Variants in TEC observed in about 807,000 individuals in gnomAD.
The protein encoded by TEC is tyrosine-protein kinase Tec.
TEC carries 72 observed loss-of-function variants against 93.0 expected under a neutral mutation model. The observed-to-expected ratio is 0.77, with a 90% CI of 0.64 to 0.94. The LOEUF (loss-of-function observed/expected upper bound fraction) is 0.94. TEC is among the 40% of genes least tolerant of loss of function. The probability of loss-of-function intolerance (pLI) is 0.00; values close to 1 mark genes in which losing one functional copy is unlikely to be tolerated. For missense variants in TEC, 630 were observed against 757.9 expected (o/e 0.83, Z 1.98); for synonymous variants, 249 against 247.7 (o/e 1.01, Z -0.05).
chr4:48,219,287 T>C (rs536647380), intron 2 of TEC, among the ~76,000 whole-genome samples: 3 of 152,316 alleles, frequency 2.0e-5, no homozygotes, highest in Admixed American at 2.0e-4. Context: ...GTAACGCCAG[T>C]GTCTGGGAAG....
At chr4:48,185,310 T>C (rs1252975164) in intron 2 of TEC, among the ~76,000 whole-genome samples, 1 of 152,192 alleles carries the variant, frequency 6.6e-6, no homozygotes, top group African/African-American at 2.4e-5. Flanking sequence ...TTTAGAAGAA[T>C]GGGTCTTAAG....
intron 14 of TEC, 145 bp from the exon 15 acceptor site, chr4:48,141,564 C>T (rs1041177848): frequency 3.6e-5 from 25 of 695,398 alleles, no homozygotes; most frequent in Non-Finnish European, 4.9e-5. Context: ...TTGTTTTTAC[C>T]CCTATGGAAG....
chr4:48,236,747 A>G (rs1723795881), intron 1 of TEC, among the ~76,000 whole-genome samples: 1 of 152,240 alleles, frequency 6.6e-6, no homozygotes, highest in Non-Finnish European at 1.5e-5. Context: ...GGTAGACAAC[A>G]GAAACTGTCA....
chr4:48,140,230 A>G (rs1211976966), intron 15 of TEC, among the ~76,000 whole-genome samples: 1 of 152,200 alleles, frequency 6.6e-6, no homozygotes, highest in Non-Finnish European at 1.5e-5. Flanking sequence ...TGCATTTATG[A>G]GCATTCCTGG....
intron 2 of TEC, among the ~76,000 whole-genome samples, chr4:48,219,916 C>T (rs1723202855): frequency 1.3e-5 from 2 of 152,020 alleles, no homozygotes; most frequent in Admixed American, 6.5e-5. Flanking sequence ...GGAGAACACT[C>T]GCTAAGCCCC....
chr4:48,242,943 G>C (rs920248728), intron 1 of TEC, among the ~76,000 whole-genome samples: 1 of 152,024 alleles, frequency 6.6e-6, no homozygotes, highest in Admixed American at 6.5e-5. Context: ...AAGATTAATG[G>C]GGCTGAGGCT....
At chr4:48,229,107 T>C (rs1244375246) in intron 1 of TEC, among the ~76,000 whole-genome samples, 1 of 152,132 alleles carries the variant, frequency 6.6e-6, no homozygotes, top group African/African-American at 2.4e-5. Context: ...CAAAATGAAT[T>C]AGCATGGTGG....
At chr4:48,263,521 C>G (rs1300578117) in intron 1 of TEC, among the ~76,000 whole-genome samples, 1 of 152,166 alleles carries the variant, frequency 6.6e-6, no homozygotes, top group African/African-American at 2.4e-5. Context: ...CGAGGCCAGC[C>G]TGGCCAACAT....
chr4:48,210,305 A>G (rs1290863260), intron 2 of TEC, among the ~76,000 whole-genome samples: 14 of 152,116 alleles, frequency 9.2e-5, no homozygotes, highest in Non-Finnish European at 1.9e-4. Context: ...CAACATAGCA[A>G]GACTCCATCT....
At chr4:48,253,585 T>TTC (rs1724264723) in intron 1 of TEC, among the ~76,000 whole-genome samples, 1 of 151,172 alleles carries the variant, frequency 6.6e-6, no homozygotes, top group South Asian at 2.1e-4. Context: ...TTTTTTTTTT[T>TTC]TTTTGAGACA....
At chr4:48,151,562 C>A (rs917948062) in intron 9 of TEC, among the ~76,000 whole-genome samples, 1 of 152,214 alleles carries the variant, frequency 6.6e-6, no homozygotes, top group African/African-American at 2.4e-5. Flanking sequence ...TCTCAGCTCA[C>A]TGCAATCTCC....
chr4:48,200,932 T>C (rs1162599630), intron 2 of TEC, among the ~76,000 whole-genome samples: 3 of 152,198 alleles, frequency 2.0e-5, no homozygotes, highest in East Asian at 3.9e-4. Context: ...TTTGGTTTGG[T>C]TTTTCCACAC....
At chr4:48,201,665 C>T (rs1487360517) in intron 2 of TEC, among the ~76,000 whole-genome samples, 1 of 152,154 alleles carries the variant, frequency 6.6e-6, no homozygotes, top group Non-Finnish European at 1.5e-5. Context: ...AGAGCAAGGA[C>T]ACGGGCTCTC....
chr4:48,142,665 A>T lies in TEC; in HGVS notation c.1471-1246T>A, dbSNP rs1417056467. ...CGTGGTATTTCTCAAAAGGAAGACA[A>T]GAATTTTTTTTTAATTTTTTAATTT... On this transcript the variant is annotated intron_variant, in intron 14 of 17. Transcript: ENST00000381501. Among the ~76,000 whole-genome samples the T allele has an allele frequency of 2.0e-5, 3 of 152,254 alleles. No individual in the cohort carries two copies. In the East Asian group the frequency reaches 5.8e-4, roughly 29 times the overall value.
intron 17 of TEC, among the ~76,000 whole-genome samples, chr4:48,137,885 G>A (rs1719498403): frequency 6.6e-6 from 1 of 152,162 alleles, no homozygotes; most frequent in Admixed American, 6.5e-5. Context: ...CCACTGTTGT[G>A]CACACTGTGT....
At chr4:48,206,272 T>C (rs972127235) in intron 2 of TEC, among the ~76,000 whole-genome samples, 1 of 152,188 alleles carries the variant, frequency 6.6e-6, no homozygotes, top group Non-Finnish European at 1.5e-5. Context: ...AACGACATTA[T>C]AAATGTACTT....
chr4:48,162,952 G>A (rs536274179), intron 8 of TEC, among the ~76,000 whole-genome samples: 7 of 152,238 alleles, frequency 4.6e-5, no homozygotes, highest in African/African-American at 1.2e-4. Flanking sequence ...CAATGTTCAC[G>A]TACAGCCTGT....
At chr4:48,179,337 A>T (rs2109560620) in intron 2 of TEC, among the ~76,000 whole-genome samples, 1 of 81,962 alleles carries the variant, frequency 1.2e-5, no homozygotes, top group Admixed American at 1.7e-4. Flanking sequence ...TGACGTGGGT[A>T]GTATATATAT....
In TEC at chr4:48,171,328, C is replaced by T. The variant is rs1272042695; in HGVS notation, c.325+40G>A. 11 of 1,514,946 alleles carry T rather than the reference C, an allele frequency of 7.3e-6. No individual in the cohort carries two copies. In the Admixed American group the frequency reaches 2.0e-4, roughly 28 times the overall value. The allele number at this position is 1,514,946 out of a possible 1,614,324, so 93.8% of individuals were successfully genotyped here. On this transcript the variant is annotated intron_variant, in intron 4 of 17. Transcript: ENST00000381501. Reference sequence around the variant, plus strand: ...TCTTAATGATAACAATATTACATCTCCTAAAATTATATACAGAGTAATATT... The same window carrying T: ...TCTTAATGATAACAATATTACATCTTCTAAAATTATATACAGAGTAATATT...
Sources: allele counts gnomAD v4.1 joint callset (sites outside exome capture counted in the v4.1 genomes callset), GRCh38; gene constraint gnomAD v4.1.1; transcripts MANE v1.5; gene names NCBI Gene and HGNC (gene_info 2026-07-23, HGNC 2026-07-21).